Variants in KMT2E observed in about 807,000 individuals in gnomAD.
KMT2E encodes histone reader KMT2E.
In KMT2E, 30 loss-of-function variants were observed where a neutral mutation model predicts 184.6. The ratio of observed to expected loss-of-function variants is 0.16; its 90% CI spans 0.12 to 0.22. KMT2E has a LOEUF of 0.22. KMT2E is among the 10% of genes least tolerant of loss of function. KMT2E has a pLI of 1.00. For missense variants in KMT2E, 2,023 were observed against 2,237.4 expected (o/e 0.90, Z 1.93); for synonymous variants, 815 against 776.5 (o/e 1.05, Z -0.82).
chr7:105,059,736 A>G lies in KMT2E; in HGVS notation c.72-2428A>G, dbSNP rs60808750. 3.0e-3 allele frequency among the ~76,000 whole-genome samples: 456 copies of G among 152,248 alleles called. 15 individuals are homozygous for G. The East Asian group carries it at 0.062, about 21-fold the overall frequency. On this transcript the variant is annotated intron_variant, in intron 3 of 26. Coordinates refer to ENST00000311117, the MANE Select transcript of KMT2E (RefSeq NM_182931.3). ...ATATATTTTCGGATTTTAAAAAGCA[A>G]AAATTGTGTAGATATAATGATGCAT... is the stretch of plus-strand genomic sequence containing the variant.
chr7:105,109,102 A>C lies in KMT2E; in HGVS notation c.3629A>C (p.Asp1210Ala). ...ASSNDNGEQV[D>A]HTASLPLPTP... ...AGTAATGACAATGGGGAGCAGGTGG[A>C]CCACACTGCTAGCCTACCTTTACCA... The change falls in exon 23 of 27, where the codon GAC becomes GCC. Residue 1210 changes from aspartate to alanine, a missense_variant. Transcript: ENST00000311117. 1 of 1,614,168 alleles carries C rather than the reference A, an allele frequency of 6.2e-7. No homozygotes were observed. The highest frequency in any genetic ancestry group is 8.5e-7 in the Non-Finnish European group (1 of 1,180,010).
Position 105,041,002 on chromosome 7 carries a change from T to C in KMT2E, c.50T>C (p.Leu17Ser). The C allele has an allele frequency of 6.2e-7, 1 of 1,601,302 alleles. No homozygotes were observed. Among genetic ancestry groups the C allele is most frequent in the Non-Finnish European group, 8.5e-7 (1 of 1,176,364 alleles). The change falls in exon 3 of 27, where the codon TTG (leucine) becomes TCG (serine). Residue 17 changes from leucine (L) to serine (S), a missense_variant. Leu to Ser is a moderately radical substitution (Grantham distance 145, BLOSUM62 -2). This residue lies in a region of KMT2E where 63 missense variants were observed against 68.9 expected (regional missense o/e 0.91). Transcript: ENST00000311117. Reference sequence around the variant, plus strand: ...GTTGATACAGCAGAGACGTCATACTTGGAAATGGCTGCAGGTTCAGAGTAA... The same window carrying C: ...GTTGATACAGCAGAGACGTCATACTCGGAAATGGCTGCAGGTTCAGAGTAA... ...LGVDTAETSY[L>S]EMAAGSEPES...
intron 13 of KMT2E, among the ~76,000 whole-genome samples, chr7:105,085,571 A>G (rs1797930377): frequency 6.6e-6 from 1 of 151,986 alleles, no homozygotes; most frequent in South Asian, 2.1e-4. Flanking sequence ...TAATAATACA[A>G]ACACCCATGT....
Position 105,091,238 on chromosome 7 carries a change from T to C in KMT2E, c.1646T>C (p.Ile549Thr). ...NNQEPDFIDD[I>T]EEKTPISNEV... ...CAGGAACCAGATTTTATTGATGATATAGAAGAAAAAACTCCTATTAGTAAT... is the reference window on the plus strand; with the variant it reads ...CAGGAACCAGATTTTATTGATGATACAGAAGAAAAAACTCCTATTAGTAAT... Residue 549 changes from isoleucine to threonine, a missense_variant, in exon 15 of 27, where the codon ATA (isoleucine) becomes ACA (threonine). Transcript: ENST00000311117. 6.4e-7 allele frequency: 1 copy of C among 1,568,308 alleles called. No homozygotes were observed. Among genetic ancestry groups the C allele is most frequent in the Non-Finnish European group, 8.8e-7 (1 of 1,139,670 alleles).
intron 3 of KMT2E, among the ~76,000 whole-genome samples, chr7:105,061,760 A>C (rs1335654398): frequency 6.6e-6 from 1 of 152,154 alleles, no homozygotes; most frequent in Non-Finnish European, 1.5e-5. Context: ...TATATTTTTG[A>C]ACACTGAAAT....
At chr7:105,060,978 G>A (rs1796792725) in intron 3 of KMT2E, among the ~76,000 whole-genome samples, 1 of 152,134 alleles carries the variant, frequency 6.6e-6, no homozygotes, top group South Asian at 2.1e-4. Context: ...GTATTTCTCA[G>A]AATGTATCTC....
intron 13 of KMT2E, among the ~76,000 whole-genome samples, chr7:105,083,435 A>G (rs1184664483): frequency 6.6e-6 from 1 of 152,214 alleles, no homozygotes; most frequent in Non-Finnish European, 1.5e-5. Context: ...TTAAAAGGCA[A>G]TCCCTTCCTA....
intron 16 of KMT2E, 135 bp from the exon 17 acceptor site, chr7:105,101,746 ATATAT>A (rs1798664149): frequency 8.4e-6 from 8 of 949,004 alleles, no homozygotes; most frequent in African/African-American, 1.7e-5. Context: ...ATAAAAGACT[ATATAT>A]TATCTCTGTT....
chr7:105,077,520 A>G, intron 11 of KMT2E, 87 bp downstream of exon 11: 2 of 1,014,060 alleles, frequency 2.0e-6, no homozygotes, highest in Non-Finnish European at 3.0e-6. Flanking sequence ...GATTATATGT[A>G]CTTTTTTTCC....
intron 15 of KMT2E, among the ~76,000 whole-genome samples, chr7:105,097,892 G>A (rs946421625): frequency 1.3e-5 from 2 of 152,146 alleles, no homozygotes; most frequent in Admixed American, 1.3e-4. Flanking sequence ...TGAGATATCG[G>A]ATGAGCAAAG....
chr7:105,110,943 C>A, intron 26 of KMT2E, 75 bp downstream of exon 26: 1 of 980,312 alleles, frequency 1.0e-6, no homozygotes, highest in Non-Finnish European at 1.6e-6. Context: ...TTATAATATG[C>A]AGTGTTTTTC....
chr7:105,036,368 C>T (rs998004162), intron 1 of KMT2E, among the ~76,000 whole-genome samples: 1 of 151,890 alleles, frequency 6.6e-6, no homozygotes, highest in Non-Finnish European at 1.5e-5. Context: ...ACGGTTACAC[C>T]ATGTTGGCCA....
At chr7:105,068,639 G>GTTTTTTTTTTTTTTTT (rs1162488673) in intron 6 of KMT2E, among the ~76,000 whole-genome samples, 4 of 111,542 alleles carry the variant, frequency 3.6e-5, no homozygotes, top group Non-Finnish European at 6.9e-5. Flanking sequence ...TTTTTTTTTT[G>GTTTTTTTTTTTTTTTT]TTTTTTTTTT....
At chr7:105,040,619 T>G (rs1014424810) in intron 2 of KMT2E, among the ~76,000 whole-genome samples, 3 of 152,302 alleles carry the variant, frequency 2.0e-5, no homozygotes, top group African/African-American at 7.2e-5. Context: ...CGTAGTAATC[T>G]TCTTGTGGCA....
At chr7:105,047,073 C>G (rs1314384689) in intron 3 of KMT2E, among the ~76,000 whole-genome samples, 3 of 152,190 alleles carry the variant, frequency 2.0e-5, no homozygotes, top group African/African-American at 7.2e-5. Context: ...AGGCTTCTCC[C>G]CATTGAGGCA....
At chr7:105,096,190 G>A (rs1798402982) in intron 15 of KMT2E, among the ~76,000 whole-genome samples, 1 of 148,924 alleles carries the variant, frequency 6.7e-6, no homozygotes, top group East Asian at 2.0e-4. Context: ...AGAAGAGGAG[G>A]CTGCAGTGAG....
At chr7:105,029,578 C>A (rs925208242) in intron 1 of KMT2E, among the ~76,000 whole-genome samples, 1 of 151,844 alleles carries the variant, frequency 6.6e-6, no homozygotes, top group Admixed American at 6.6e-5. Flanking sequence ...GGGGCCATGG[C>A]GGCTGAGGGA....
Position 105,112,793 on chromosome 7 carries a change from A to ACCCCCCCCCCCCCCCCTG in KMT2E, c.5042_5043insCCCCCCCCCCCTGCCCCC (p.Pro1684_Gly1685insLeuProProProProPro). 1 of 470,478 alleles carries ACCCCCCCCCCCCCCCCTG rather than the reference A, an allele frequency of 2.1e-6. No homozygotes were observed. The highest frequency in any genetic ancestry group is 3.1e-5 in the South Asian group (1 of 32,372). 29.1% of individuals were successfully genotyped at this position (470,478 alleles called of 1,614,324 possible). A position where few individuals can be genotyped will look rare whatever the true frequency, so the allele number is the denominator to read the frequency against. On this transcript the variant is annotated inframe_insertion, in exon 27 of 27. Coordinates refer to ENST00000311117, the MANE Select transcript of KMT2E (RefSeq NM_182931.3). ...AAACTGCTGGACACCACTTACCCCC[A>ACCCCCCCCCCCCCCCCTG]CCCCCACCCCCTCCTGGTCCTGCCC...
intron 15 of KMT2E, chr7:105,091,672 G>T: frequency 1.3e-4 from 37 of 284,626 alleles, no homozygotes; most frequent in Non-Finnish European, 1.6e-4. Flanking sequence ...TATAATAAAA[G>T]TACAAATTTA....
Sources: allele counts gnomAD v4.1 joint callset (sites outside exome capture counted in the v4.1 genomes callset), GRCh38; gene constraint gnomAD v4.1.1; regional missense constraint gnomAD v4.1.1; transcripts MANE v1.5; gene names NCBI Gene and HGNC (gene_info 2026-07-23, HGNC 2026-07-21).